BBS9: variants seen among roughly 807,000 people sequenced by gnomAD.
BBS9 encodes the protein Bardet-Biedl syndrome 9.
In BBS9, 89 loss-of-function variants were observed where a neutral mutation model predicts 117.7. The observed-to-expected ratio is 0.76, with a 90% CI of 0.64 to 0.90. The LOEUF is 0.90. Among genes scored for constraint, BBS9 ranks in the 40% least tolerant of loss-of-function variants. BBS9 has a pLI of 0.00. For missense variants in BBS9, 982 were observed against 1,042.2 expected, an observed-to-expected ratio of 0.94 and a Z score of 0.80; for synonymous variants, 379 against 370.9, an observed-to-expected ratio of 1.02 and a Z score of -0.25.
intron 9 of BBS9, among the ~76,000 whole-genome samples, chr7:33,320,822 A>G (rs1048723510): frequency 2.6e-5 from 4 of 151,878 alleles, no homozygotes; most frequent in African/African-American, 9.7e-5. Flanking sequence ...AGTCCTGAAG[A>G]GTTTCCTCAA....
At chr7:33,268,988 G>A (rs1183777264) in intron 7 of BBS9, among the ~76,000 whole-genome samples, 1 of 152,172 alleles carries the variant, frequency 6.6e-6, no homozygotes, top group Non-Finnish European at 1.5e-5. Context: ...CAATACTTGA[G>A]CCAAATAGTA....
intron 16 of BBS9, among the ~76,000 whole-genome samples, chr7:33,361,572 T>C (rs1218982809): frequency 6.6e-6 from 1 of 152,180 alleles, no homozygotes; most frequent in Non-Finnish European, 1.5e-5. Context: ...TGATAGCAGC[T>C]GGATTCATTA....
intron 19 of BBS9, among the ~76,000 whole-genome samples, chr7:33,411,016 T>G (rs1428314394): frequency 1.4e-5 from 2 of 141,516 alleles, no homozygotes; most frequent in East Asian, 3.9e-4. Flanking sequence ...TTGGTGTTTT[T>G]TTTTTTTTTT....
intron 20 of BBS9, among the ~76,000 whole-genome samples, chr7:33,506,757 C>T (rs1033451519): frequency 9.2e-5 from 14 of 151,938 alleles, no homozygotes; most frequent in African/African-American, 2.7e-4. Context: ...GCTAACCAAA[C>T]TATTAATAAG....
intron 9 of BBS9, among the ~76,000 whole-genome samples, chr7:33,299,461 C>T (rs879356660): frequency 1.3e-5 from 2 of 151,318 alleles, no homozygotes; most frequent in Non-Finnish European, 2.9e-5. Context: ...CTAATTTATG[C>T]CACTGTTTTT....
chr7:33,264,445 A>G, intron 7 of BBS9, 71 bp downstream of exon 7: 5 of 903,208 alleles, frequency 5.5e-6, no homozygotes, highest in Non-Finnish European at 8.5e-6. Context: ...GTCAATAATA[A>G]TTCATGGGAA....
In BBS9 at chr7:33,257,280, G is replaced by A. The variant is rs765408140; in HGVS notation, c.487G>A (p.Val163Ile). The change falls in exon 6 of 23, where the codon GTA (valine) becomes ATA (isoleucine). Residue 163 changes from valine (V) to isoleucine (I), a missense_variant. Coordinates refer to ENST00000242067, the MANE Select transcript of BBS9 (RefSeq NM_198428.3). ...CCAGTCTATGGATGGGATGCTGATG[G>A]TATTTGAGCAGGAGAGCTATGCTTT... ...CIQSMDGMLM[V>I]FEQESYAFGR... 3 of 1,613,820 alleles carry A rather than the reference G, an allele frequency of 1.9e-6. No homozygotes were observed. Among genetic ancestry groups the A allele is most frequent in the Non-Finnish European group, 2.5e-6 (3 of 1,179,812 alleles).
intron 9 of BBS9, chr7:33,276,692 C>T: frequency 6.6e-6 from 1 of 152,400 alleles, no homozygotes; most frequent in Non-Finnish European, 1.5e-5. Context: ...GCATCTGCAG[C>T]CAACTGCAGG....
At chr7:33,491,998 G>A (rs1435583756) in intron 19 of BBS9, among the ~76,000 whole-genome samples, 2 of 151,866 alleles carry the variant, frequency 1.3e-5, no homozygotes, top group Non-Finnish European at 2.9e-5. Context: ...CCAGGGGTTT[G>A]AGACCAGCCT....
Position 33,198,014 on chromosome 7 carries a change from G to A in BBS9, c.442+20423G>A, listed in dbSNP as rs1270152325. ...CTGGCTAACTTAGAATATCAGAAAT[G>A]GTAAAGCTTGGCATCAGAACAAGTT... On this transcript the variant is annotated intron_variant, in intron 5 of 22. Coordinates refer to ENST00000242067, the MANE Select transcript of BBS9 (RefSeq NM_198428.3). Among the ~76,000 whole-genome samples, 4 of 151,868 alleles carry A rather than the reference G, an allele frequency of 2.6e-5. No homozygotes were observed. The East Asian group carries it at 7.7e-4, about 29-fold the overall frequency.
At chr7:33,511,901 A>T (rs1359662023) in intron 20 of BBS9, among the ~76,000 whole-genome samples, 1 of 152,206 alleles carries the variant, frequency 6.6e-6, no homozygotes, top group Non-Finnish European at 1.5e-5. Context: ...TTGAGTGATG[A>T]CTGCGATGGC....
rs188635963 is a variant in BBS9 at position 33,531,196 on chromosome 7, G to T, written c.2299-2758G>T. On this transcript the variant is annotated intron_variant, in intron 20 of 22. Coordinates refer to ENST00000242067, the MANE Select transcript of BBS9 (RefSeq NM_198428.3). ...GGAGGAGGAAGTTGCAGTGAGCTGA[G>T]ATCACGCCATTGCACTCTAGCCTGG... 1.7e-3 allele frequency among the ~76,000 whole-genome samples: 259 copies of T among 152,316 alleles called. 3 individuals are homozygous for T. The South Asian group carries it at 0.02, about 12-fold the overall frequency.
chr7:33,570,832 C>T (rs1857656925), intron 21 of BBS9, among the ~76,000 whole-genome samples: 1 of 152,108 alleles, frequency 6.6e-6, no homozygotes, highest in Admixed American at 6.5e-5. Context: ...CCAGACAACC[C>T]CAAGTTGACA....
At chr7:33,189,256 C>T (rs749144721) in intron 5 of BBS9, among the ~76,000 whole-genome samples, 22 of 152,164 alleles carry the variant, frequency 1.4e-4, no homozygotes, top group South Asian at 4.1e-4. Flanking sequence ...TGGGCTCAAG[C>T]GATCTGCCTG....
intron 21 of BBS9, among the ~76,000 whole-genome samples, chr7:33,556,628 T>A (rs985991547): frequency 4.6e-5 from 7 of 152,168 alleles, no homozygotes; most frequent in Admixed American, 3.9e-4. Context: ...CCAGGTGGCA[T>A]AATGGGATGA....
intron 19 of BBS9, among the ~76,000 whole-genome samples, chr7:33,439,391 C>T (rs1456775970): frequency 3.3e-5 from 5 of 152,068 alleles, no homozygotes; most frequent in Non-Finnish European, 5.9e-5. Context: ...GGGAGAAATG[C>T]TATTGTCTTT....
chr7:33,595,278 T>A (rs1405957491), intron 21 of BBS9, among the ~76,000 whole-genome samples: 1 of 152,000 alleles, frequency 6.6e-6, no homozygotes. Context: ...TAGGAGAAAA[T>A]TTTTGCAATC....
intron 9 of BBS9, chr7:33,314,566 C>T (rs2128560499): frequency 6.3e-6 from 1 of 158,636 alleles, no homozygotes; most frequent in South Asian, 1.8e-4. Flanking sequence ...AAGAGTTTTA[C>T]ATTTCTTTGT....
chr7:33,570,197 C>T (rs1397752431), intron 21 of BBS9, among the ~76,000 whole-genome samples: 1 of 152,058 alleles, frequency 6.6e-6, no homozygotes, highest in African/African-American at 2.4e-5. Flanking sequence ...ACCAGAGCTC[C>T]TTGGAGAAGT....
Sources: gnomAD v4.1 joint callset for allele counts (sites outside exome capture counted in the v4.1 genomes callset) on GRCh38, gnomAD v4.1.1 for gene constraint, MANE v1.5 for transcripts, NCBI Gene and HGNC (gene_info 2026-07-23, HGNC 2026-07-21) for gene names.